The following HSPG2 variants were observed in gnomAD, a reference collection of about 807,000 sequenced individuals.
HSPG2 encodes the protein basement membrane-specific heparan sulfate proteoglycan core protein.
HSPG2 carries 278 observed loss-of-function variants against 526.6 expected under a neutral mutation model. The observed-to-expected ratio is 0.53, with a 90% confidence interval of 0.48 to 0.58. HSPG2 has a LOEUF of 0.58. Ranked by LOEUF, HSPG2 falls within the 20% of genes least tolerant of loss-of-function variation. The probability of loss-of-function intolerance (pLI) is 0.00; values close to 1 mark genes in which losing one functional copy is unlikely to be tolerated. For missense variants in HSPG2, 5,354 were observed against 6,099.5 expected (o/e 0.88, Z 4.07); for synonymous variants, 2,465 against 2,555.4 (o/e 0.96, Z 1.07).
chr1:21,901,161 G>A (rs139794693), intron 1 of HSPG2, among the ~76,000 whole-genome samples: 1 of 152,180 alleles, frequency 6.6e-6, no homozygotes, highest in Admixed American at 6.5e-5. Context: ...CTGTGAGCTT[G>A]TGTTATTATT....
Position 21,822,551 on chromosome 1 carries a change from T to G in HSPG2, c.*765A>C. ...CTTCACTTCCAGATGGGTGGGGATG[T>G]GGCCTGGGGTGGGCGGGGCCCGGTG... On this transcript the variant is annotated 3_prime_UTR_variant, in exon 97 of 97. Transcript: ENST00000374695. The G allele has an allele frequency of 1.4e-4, 27 of 199,388 alleles. No homozygotes were observed. The highest frequency in any genetic ancestry group is 4.5e-4 in the South Asian group (7 of 15,492). 12.4% of individuals were successfully genotyped at this position (199,388 alleles called of 1,614,324 possible).
intron 9 of HSPG2, among the ~76,000 whole-genome samples, chr1:21,886,742 G>A (rs1641923037): frequency 6.6e-6 from 1 of 152,128 alleles, no homozygotes; most frequent in Non-Finnish European, 1.5e-5. Context: ...GGGCTGGGTG[G>A]ATGGATAATG....
In HSPG2 at chr1:21,839,110, G is replaced by A. The variant is rs1427256387; in HGVS notation, c.9890-25C>T. ...CCTGAGTGGGGGGACACAGAGGTCA[G>A]GATTGGGGAGGGCAAAGGTCAGAAT... is the stretch of plus-strand genomic sequence containing the variant. On this transcript the variant is annotated intron_variant, in intron 73 of 96. Coordinates refer to ENST00000374695, the MANE Select transcript of HSPG2 (RefSeq NM_005529.7). The surrounding 1 kb of genome is among the most constrained non-coding windows in gnomAD (Gnocchi z 4.5). The A allele has an allele frequency of 6.4e-7, 1 of 1,562,134 alleles. No homozygotes were observed. Among genetic ancestry groups the A allele is most frequent in the Admixed American group, 1.8e-5 (1 of 55,520 alleles).
rs1010676411 is a variant in HSPG2, at chr1:21,846,401, G to T, written c.8316+47C>A. 2.5e-6 allele frequency: 4 copies of T among 1,611,924 alleles called. No individual in the cohort carries two copies. In the African/African-American group the frequency reaches 5.3e-5, roughly 22 times the overall value. On this transcript the variant is annotated intron_variant, in intron 63 of 96. Transcript: ENST00000374695. ...CTCCCTCTTGGCAAAGCTAGCCAGG[G>T]CCCCCACATCCAGCGGCTCTCCCAC...
intron 37 of HSPG2, among the ~76,000 whole-genome samples, chr1:21,863,334 C>A (rs1468547026): frequency 6.8e-6 from 1 of 146,538 alleles, no homozygotes; most frequent in African/African-American, 2.5e-5. Flanking sequence ...GATGGCGCCA[C>A]TGCACTCCAG....
Position 21,875,933 on chromosome 1 carries a change from A to G in HSPG2, c.3113T>C (p.Ile1038Thr). Residue 1038 changes from isoleucine to threonine, a missense_variant, in exon 24 of 97, where the codon ATC becomes ACC. Coordinates refer to ENST00000374695, the MANE Select transcript of HSPG2 (RefSeq NM_005529.7). ...CTCCTGGGCCACATGGTGCTCTAGG[A>G]TGATGTTGTTACCTTGCAGCACCAC... is the stretch of plus-strand genomic sequence containing the variant. The part of the protein sequence containing the change: ...PLVVLQGNNI[I>T]LEHHVAQEPS... 6.2e-7 allele frequency: 1 copy of G among 1,614,174 alleles called. No individual in the cohort carries two copies. Among genetic ancestry groups the G allele is most frequent in the Non-Finnish European group, 8.5e-7 (1 of 1,180,024 alleles).
intron 1 of HSPG2, among the ~76,000 whole-genome samples, chr1:21,912,832 T>C (rs1247834216): frequency 6.6e-6 from 1 of 151,974 alleles, no homozygotes; most frequent in African/African-American, 2.4e-5. Context: ...ATATAAAAAT[T>C]AGCACAGCAT....
At position 21,879,047 on chromosome 1, in the gene HSPG2, G is replaced by T; in HGVS notation, c.2418C>A (p.Ala806=). ...KAGFFGDAMK[A]TATSCRPCPC... is the part of the protein sequence containing the mutation. ...GGCAGGGCCGGCAGGAAGTGGCCGT[G>T]GCCTTCATGGCGTCCCCAAAGAAGC... The change falls in exon 18 of 97, where the codon GCC becomes GCA. Residue 806 remains alanine (A), a synonymous_variant. Transcript: ENST00000374695. The T allele has an allele frequency of 6.2e-7, 1 of 1,614,226 alleles. No homozygotes were observed. Among genetic ancestry groups the T allele is most frequent in the Non-Finnish European group, 8.5e-7 (1 of 1,180,042 alleles).
intron 1 of HSPG2, among the ~76,000 whole-genome samples, chr1:21,922,469 C>T (rs1644066798): frequency 6.6e-6 from 1 of 152,200 alleles, no homozygotes; most frequent in Admixed American, 6.5e-5. Context: ...AACCAAGTGT[C>T]CTGGGCTTAG....
intron 1 of HSPG2, among the ~76,000 whole-genome samples, chr1:21,928,690 C>T (rs1023688702): frequency 6.6e-6 from 1 of 152,078 alleles, no homozygotes; most frequent in South Asian, 2.1e-4. Flanking sequence ...TATCTGCTCA[C>T]CTCAGCCTCC....
chr1:21,878,417 TGGC>T lies in HSPG2; in HGVS notation c.2617+13_2617+15del. 1.3e-6 allele frequency: 2 copies of T among 1,596,930 alleles called. No homozygotes were observed. The highest frequency in any genetic ancestry group is 1.7e-6 in the Non-Finnish European group (2 of 1,170,252). ...TTGGGAGGTGGGTGTCAGGGGATGG[TGGC>T]AGCCATACTCACTGACGGGCCTGCA... On this transcript the variant is annotated intron_variant, in intron 20 of 96. Transcript: ENST00000374695.
In HSPG2 at chr1:21,872,429, T is replaced by C. The variant is rs1312939625; in HGVS notation, c.4030-52A>G. 2.7e-6 allele frequency: 4 copies of C among 1,494,534 alleles called. No homozygotes were observed. Among genetic ancestry groups the C allele is most frequent in the Non-Finnish European group, 3.6e-6 (4 of 1,102,086 alleles). The allele number at this position is 1,494,534 out of a possible 1,614,324, so 92.6% of individuals were successfully genotyped here. A position where few individuals can be genotyped will look rare whatever the true frequency, so the allele number is the denominator to read the frequency against. On this transcript the variant is annotated intron_variant, in intron 32 of 96. Transcript: ENST00000374695. The surrounding 1 kb of genome is among the most constrained non-coding windows in gnomAD (Gnocchi z 5.5). ...CAGCCTGAGCACCGGGGTGCCTTGG[T>C]GGGGGATGGGGCACGGGAGGGTGTT...
At chr1:21,882,873 C>A (rs116064083) in intron 13 of HSPG2, among the ~76,000 whole-genome samples, 430 of 152,284 alleles carry the variant, frequency 2.8e-3, no homozygotes, top group African/African-American at 9.8e-3. Context: ...CCTGAATTAA[C>A]CCCCTGCAAC....
chr1:21,849,371 C>G (rs1490747477), intron 57 of HSPG2, among the ~76,000 whole-genome samples: 2 of 152,182 alleles, frequency 1.3e-5, no homozygotes, highest in South Asian at 2.1e-4. Context: ...CTCTGGATCA[C>G]TGTCCCTGTC....
In HSPG2 at chr1:21,884,791, C is replaced by G; in HGVS notation, c.1483G>C (p.Val495Leu). 1 of 1,613,722 alleles carries G rather than the reference C, an allele frequency of 6.2e-7. No individual in the cohort carries two copies. The highest frequency in any genetic ancestry group is 8.5e-7 in the Non-Finnish European group (1 of 1,180,008). Reference protein sequence around the residue: ...RGMVFGIPDGVLELVPQRGPC... With the variant: ...RGMVFGIPDGLLELVPQRGPC... ...CCTCGTTGTGGGACGAGCTCAAGGA[C>G]ACCGTCAGGAATGCCAAACACCATG... is the stretch of plus-strand genomic sequence containing the variant. The change falls in exon 12 of 97, where the codon GTC becomes CTC. Residue 495 changes from valine to leucine, a missense_variant. Transcript: ENST00000374695.
rs746766142 is a variant in HSPG2 at position 21,849,031 on chromosome 1, C to G, written c.7447G>C (p.Val2483Leu). ...AGCAGGCGTAGCCTCGAGCCATGCA[C>G]CTGGGAGGGTCAGGAGGGAGGAGGC... is the stretch of plus-strand genomic sequence containing the variant. ...RGGSLPARHQ[V>L]HGSRLRLLQV... The change falls in exon 58 of 97, where the codon GTG becomes CTG. Residue 2483 changes from valine to leucine, a missense_variant and splice_region_variant. Transcript: ENST00000374695. The G allele has an allele frequency of 1.2e-6, 2 of 1,613,808 alleles. No individual in the cohort carries two copies. The highest frequency in any genetic ancestry group is 1.7e-5 in the Admixed American group (1 of 60,030).
Position 21,859,986 on chromosome 1 carries a change from C to G in HSPG2, c.5031G>C (p.Leu1677=). The change falls in exon 41 of 97, where the codon CTG becomes CTC. Residue 1677 remains leucine, a synonymous_variant. Coordinates refer to ENST00000374695, the MANE Select transcript of HSPG2 (RefSeq NM_005529.7). This position sits in a 1 kb window ranked among gnomAD's most constrained non-coding sequence, Gnocchi z 5.3. The part of the protein sequence containing the change: ...QCLPETNQAP[L]VVEVHPARSI... ...TTCGAGCAGGATGGACCTCGACCACCAGTGGGGCTTGGTTTGCTGGGGGTG... is the reference window on the plus strand; with the variant it reads ...TTCGAGCAGGATGGACCTCGACCACGAGTGGGGCTTGGTTTGCTGGGGGTG... 1 of 1,610,620 alleles carries G rather than the reference C, an allele frequency of 6.2e-7. No homozygotes were observed. The highest frequency in any genetic ancestry group is 8.5e-7 in the Non-Finnish European group (1 of 1,179,086).
chr1:21,838,771 C>T (rs1174460598), intron 74 of HSPG2, 54 bp downstream of exon 74: 1 of 1,593,550 alleles, frequency 6.3e-7, no homozygotes, highest in Non-Finnish European at 8.5e-7. Context: ...GCTGGGTCAT[C>T]AAAGGGCCAG....
At chr1:21,854,534 C>A (rs187406964) in intron 49 of HSPG2, 77 bp downstream of exon 49, 60 of 1,486,646 alleles carry the variant, frequency 4.0e-5, no homozygotes, top group Admixed American at 8.2e-5. Flanking sequence ...CCGCCTCCCC[C>A]GCCCAGCGTA....
Sources: gnomAD v4.1 joint callset for allele counts (sites outside exome capture counted in the v4.1 genomes callset) on GRCh38, gnomAD v4.1.1 for gene constraint, Gnocchi (gnomAD v3.1) non-coding constraint, MANE v1.5 for transcripts, NCBI Gene and HGNC (gene_info 2026-07-23, HGNC 2026-07-21) for gene names.